Variants in MAST2 observed in about 807,000 individuals in gnomAD.
MAST2 encodes the protein microtubule associated serine/threonine kinase 2.
Under a neutral mutation model 147.4 loss-of-function variants are expected in MAST2, and 70 were observed. That is an observed-to-expected ratio of 0.47 (90% CI 0.39 to 0.58). The LOEUF (loss-of-function observed/expected upper bound fraction) is 0.58. Among genes scored for constraint, MAST2 ranks in the 20% least tolerant of loss-of-function variants. The pLI is 0.00. For missense variants in MAST2, 2,080 were observed against 2,302.3 expected, an observed-to-expected ratio of 0.90 and a Z score of 1.98; for synonymous variants, 869 against 896.8, an observed-to-expected ratio of 0.97 and a Z score of 0.55.
intron 26 of MAST2, 52 bp from the exon 27 acceptor site, chr1:46,033,750 G>T: frequency 6.3e-7 from 1 of 1,595,366 alleles, no homozygotes; most frequent in South Asian, 1.1e-5. Flanking sequence ...GGGGAGGGGA[G>T]GGGCAAGAAT....
At chr1:46,011,206 T>C (rs891779328) in intron 10 of MAST2, 15 of 446,070 alleles carry the variant, frequency 3.4e-5, no homozygotes, top group African/African-American at 3.0e-4. Flanking sequence ...AGCTCCACCA[T>C]GGGTAGTAGT....
intron 3 of MAST2, among the ~76,000 whole-genome samples, chr1:45,861,208 C>A (rs1050705931): frequency 6.6e-6 from 1 of 152,110 alleles, no homozygotes; most frequent in Non-Finnish European, 1.5e-5. Flanking sequence ...AAATTGTTTG[C>A]CCCATTTTTG....
chr1:46,022,477 C>T (rs1208681318), intron 12 of MAST2, among the ~76,000 whole-genome samples: 1 of 152,224 alleles, frequency 6.6e-6, no homozygotes, highest in Non-Finnish European at 1.5e-5. Flanking sequence ...GAGGATACTG[C>T]CATTCTTCTG....
rs749375819 is a variant in MAST2 at position 46,035,122 on chromosome 1, C to T, written c.4453C>T (p.Arg1485Ter). Residue 1485 changes from arginine to a stop codon, truncating the protein, a stop_gained, in exon 29 of 29, where the codon CGA becomes TGA. Transcript: ENST00000361297. LOFTEE classifies it low-confidence loss of function (END_TRUNC). The surrounding 1 kb of genome is among the most constrained non-coding windows in gnomAD (Gnocchi z 5.5). ...GGCCCTAGGCACCCTCCGGCAGGAC[C>T]GAGCCGAACGACGGGAGTCGCTGCA... ...SRALGTLRQD[R>*]AERRESLQKQ... 12 of 1,613,464 alleles carry T rather than the reference C, an allele frequency of 7.4e-6. No individual in the cohort carries two copies. The highest frequency in any genetic ancestry group is 3.3e-5 in the Admixed American group (2 of 60,006).
chr1:45,966,256 C>G (rs931283976), intron 5 of MAST2, among the ~76,000 whole-genome samples: 1 of 152,144 alleles, frequency 6.6e-6, no homozygotes, highest in African/African-American at 2.4e-5. Flanking sequence ...TTTTTATCCA[C>G]TCACCTACTG....
At chr1:45,827,157 G>A (rs1366989600) in intron 2 of MAST2, among the ~76,000 whole-genome samples, 2 of 152,138 alleles carry the variant, frequency 1.3e-5, no homozygotes, top group African/African-American at 4.8e-5. Context: ...CATTTTTATG[G>A]TGTTTCCTGG....
At chr1:45,846,850 C>A in intron 3 of MAST2, 1 of 173,254 alleles carries the variant, frequency 5.8e-6, no homozygotes. Flanking sequence ...TTAATAACAC[C>A]ATTTTTGAAA....
intron 4 of MAST2, among the ~76,000 whole-genome samples, chr1:45,906,723 A>G (rs1298470383): frequency 6.6e-6 from 1 of 150,808 alleles, no homozygotes; most frequent in Non-Finnish European, 1.5e-5. Flanking sequence ...ATTATGCAAT[A>G]TTAAATAGTG....
rs1646291149 is a variant in MAST2, at chr1:46,023,844, G to C, written c.1644G>C (p.Leu548=). 6.2e-7 allele frequency: 1 copy of C among 1,614,004 alleles called. No individual in the cohort carries two copies. The highest frequency in any genetic ancestry group is 8.5e-7 in the Non-Finnish European group (1 of 1,180,024). The part of the protein sequence containing the change: ...FAMKKINKQN[L]ILRNQIQQAF... ...TGAAGAAGATCAACAAGCAGAACCTGATCCTACGGAACCAGATCCAGCAGG... is the reference window on the plus strand; with the variant it reads ...TGAAGAAGATCAACAAGCAGAACCTCATCCTACGGAACCAGATCCAGCAGG... The change falls in exon 15 of 29, where the codon CTG becomes CTC. Residue 548 remains leucine, a synonymous_variant. Coordinates refer to ENST00000361297, the MANE Select transcript of MAST2 (RefSeq NM_015112.3). The surrounding 1 kb of genome is among the most constrained non-coding windows in gnomAD (Gnocchi z 4.9).
intron 4 of MAST2, among the ~76,000 whole-genome samples, chr1:45,902,101 T>C (rs4660322): frequency 0.44 from 67,616 of 152,092 alleles, 15,240 homozygotes; most frequent in East Asian, 0.62. Flanking sequence ...TTCAGTATGA[T>C]GCTATTGGCT....
At chr1:45,856,669 A>G (rs1645800672) in intron 3 of MAST2, among the ~76,000 whole-genome samples, 1 of 152,218 alleles carries the variant, frequency 6.6e-6, no homozygotes, top group Non-Finnish European at 1.5e-5. Context: ...GGAGAATTCT[A>G]AATTACAGGG....
chr1:45,937,588 A>G (rs1656441099), intron 4 of MAST2, among the ~76,000 whole-genome samples: 2 of 151,858 alleles, frequency 1.3e-5, no homozygotes, highest in African/African-American at 2.4e-5. Flanking sequence ...CGTCTCTACT[A>G]AAAATACAAA....
intron 1 of MAST2, among the ~76,000 whole-genome samples, chr1:45,824,184 A>C (rs1644722289): frequency 6.6e-6 from 1 of 152,150 alleles, no homozygotes; most frequent in African/African-American, 2.4e-5. Context: ...ATCCTGTCAA[A>C]ATGTCTGTCA....
At chr1:45,947,430 G>A (rs1375173297) in intron 4 of MAST2, among the ~76,000 whole-genome samples, 2 of 152,200 alleles carry the variant, frequency 1.3e-5, no homozygotes, top group African/African-American at 4.8e-5. Flanking sequence ...CTGCCAGTTG[G>A]ACAAGTTAGC....
chr1:46,006,600 GAAAA>G, intron 8 of MAST2: 1 of 301,912 alleles, frequency 3.3e-6, no homozygotes, highest in Non-Finnish European at 5.8e-6. Flanking sequence ...ATTTACAAAA[GAAAA>G]AAAAAAAGTA....
intron 4 of MAST2, among the ~76,000 whole-genome samples, chr1:45,922,431 A>G (rs1260816235): frequency 6.6e-6 from 1 of 152,166 alleles, no homozygotes; most frequent in Non-Finnish European, 1.5e-5. Flanking sequence ...GGCTGTCCTC[A>G]GTGCACCCCT....
chr1:46,009,345 A>C (rs373592076), intron 9 of MAST2, among the ~76,000 whole-genome samples: 127 of 152,252 alleles, frequency 8.3e-4, no homozygotes, highest in African/African-American at 3.0e-3. Flanking sequence ...TGAGCCAGCC[A>C]CTGTACCTGG....
intron 4 of MAST2, among the ~76,000 whole-genome samples, chr1:45,891,386 A>G (rs1021488652): frequency 5.9e-5 from 9 of 152,114 alleles, no homozygotes; most frequent in African/African-American, 2.2e-4. Flanking sequence ...AGTCCTAGCT[A>G]CTTAGGGGGC....
chr1:45,850,233 G>A (rs1412467539), intron 3 of MAST2, among the ~76,000 whole-genome samples: 2 of 152,144 alleles, frequency 1.3e-5, no homozygotes, highest in African/African-American at 4.8e-5. Context: ...TTTGTTGGCT[G>A]CCTGTATATC....
Sources: gnomAD v4.1 joint callset for allele counts (sites outside exome capture counted in the v4.1 genomes callset) on GRCh38, gnomAD v4.1.1 for gene constraint, Gnocchi (gnomAD v3.1) non-coding constraint, MANE v1.5 for transcripts, NCBI Gene and HGNC (gene_info 2026-07-23, HGNC 2026-07-21) for gene names.